The following ARL9 variants were observed in gnomAD, a reference collection of about 807,000 sequenced individuals.
ARL9 encodes the protein ADP-ribosylation factor-like protein 9.
ARL9 carries 14 observed loss-of-function variants against 27.0 expected under a neutral mutation model. The observed-to-expected ratio is 0.52, with a 90% confidence interval of 0.34 to 0.81. ARL9 has a LOEUF of 0.81. ARL9 is among the 30% of genes least tolerant of loss of function. ARL9 has a pLI of 0.01. For synonymous variants in ARL9, 106 were observed against 108.7 expected, an observed-to-expected ratio of 0.98 and a Z score of 0.15; for missense variants, 294 against 290.0, an observed-to-expected ratio of 1.01 and a Z score of -0.10.
At chr4:56,511,370 A>G (rs373303866) in intron 2 of ARL9, 23 bp downstream of exon 2, 295 of 1,590,196 alleles carry the variant, frequency 1.9e-4, no homozygotes, top group Non-Finnish European at 2.4e-4. Context: ...TTCCTTAGTT[A>G]TAAGATAGCC....
intron 3 of ARL9, among the ~76,000 whole-genome samples, chr4:56,522,878 TTC>T (rs1218189355): frequency 6.6e-6 from 1 of 152,186 alleles, no homozygotes; most frequent in Non-Finnish European, 1.5e-5. Context: ...CTCCATTCTC[TTC>T]TCTGTCTTCC....
upstream of ARL9, chr4:56,505,469 G>A: frequency 2.1e-6 from 1 of 466,282 alleles, no homozygotes; most frequent in Non-Finnish European, 4.3e-6. Flanking sequence ...CTTAGACTGC[G>A]GCCCACGTGG....
intron 2 of ARL9, among the ~76,000 whole-genome samples, chr4:56,516,187 T>C (rs1721761682): frequency 6.6e-6 from 1 of 152,144 alleles, no homozygotes; most frequent in African/African-American, 2.4e-5. Flanking sequence ...TGAAATTAGT[T>C]TCCTGCCTCC....
chr4:56,524,106 A>T lies in ARL9; in HGVS notation c.*230A>T, dbSNP rs1240908793. ...AAACCCACTGAAGAATAATAACACA[A>T]CAATAAAAATAATACACATTTTAAA... On this transcript the variant is annotated 3_prime_UTR_variant, in exon 4 of 4. Transcript: ENST00000640821. The T allele has an allele frequency of 2.3e-6, 1 of 433,578 alleles. No individual in the cohort carries two copies. The highest frequency in any genetic ancestry group is 3.4e-5 in the East Asian group (1 of 29,300). 26.9% of individuals were successfully genotyped at this position (433,578 alleles called of 1,614,324 possible).
intron 3 of ARL9, among the ~76,000 whole-genome samples, chr4:56,522,253 T>C (rs1047532281): frequency 2.6e-5 from 4 of 152,062 alleles, no homozygotes; most frequent in Non-Finnish European, 4.4e-5. Flanking sequence ...AAAACCCGTC[T>C]CTACTAAAAA....
At chr4:56,519,657 G>A (rs1388565701) in intron 3 of ARL9, among the ~76,000 whole-genome samples, 2 of 152,066 alleles carry the variant, frequency 1.3e-5, no homozygotes, top group Non-Finnish European at 2.9e-5. Context: ...TGGGTATACA[G>A]TGAAAAGAAT....
At chr4:56,509,616 C>A (rs1447806567) in intron 1 of ARL9, among the ~76,000 whole-genome samples, 2 of 151,828 alleles carry the variant, frequency 1.3e-5, no homozygotes, top group Admixed American at 6.6e-5. Flanking sequence ...CTCACTGCAA[C>A]CTCCGCCTCC....
chr4:56,506,208 GTC>G (rs1238916301), intron 1 of ARL9, 67 bp downstream of exon 1: 6 of 1,230,058 alleles, frequency 4.9e-6, no homozygotes, highest in African/African-American at 1.6e-5. Context: ...CCCCAGCGCT[GTC>G]TCTGTTACGT....
intron 2 of ARL9, among the ~76,000 whole-genome samples, chr4:56,514,723 G>A (rs1195873797): frequency 6.6e-6 from 1 of 152,090 alleles, no homozygotes; most frequent in African/African-American, 2.4e-5. Context: ...TTGTTTATAG[G>A]TGGGCTCTTA....
rs1438251569 is a variant in ARL9, at chr4:56,521,839, T to A, written c.619-1858T>A. 1.3e-5 allele frequency among the ~76,000 whole-genome samples: 2 copies of A among 152,198 alleles called. 1 individual carries two copies. Among genetic ancestry groups the A allele is most frequent in the East Asian group, 3.8e-4 (2 of 5,198 alleles). On this transcript the variant is annotated intron_variant, in intron 3 of 3. Coordinates refer to ENST00000640821, the MANE Select transcript of ARL9 (RefSeq NM_001363794.2). ...TTTCTTATTTCAGTTGTAGGAGTCT[T>A]TCATATCATTTGGAAAAAATAATTC...
intron 2 of ARL9, among the ~76,000 whole-genome samples, chr4:56,514,446 A>C (rs1721720765): frequency 6.6e-6 from 1 of 152,218 alleles, no homozygotes; most frequent in Non-Finnish European, 1.5e-5. Flanking sequence ...ATTTCTGGTG[A>C]AATTCATTAA....
At chr4:56,523,119 C>T (rs1721971769) in intron 3 of ARL9, among the ~76,000 whole-genome samples, 1 of 152,204 alleles carries the variant, frequency 6.6e-6, no homozygotes, top group African/African-American at 2.4e-5. Flanking sequence ...GGTGCAGTGG[C>T]TCATGCCTGT....
chr4:56,519,331 G>T (rs1022151586), intron 3 of ARL9, among the ~76,000 whole-genome samples: 1 of 152,160 alleles, frequency 6.6e-6, no homozygotes, highest in Non-Finnish European at 1.5e-5. Context: ...AAAAATAGAG[G>T]CTGGGCACGG....
chr4:56,506,505 C>A, intron 1 of ARL9: 1 of 570,112 alleles, frequency 1.8e-6, no homozygotes, highest in Non-Finnish European at 2.2e-6. Flanking sequence ...ATTTAGAAAC[C>A]AGCCCCGAAC....
chr4:56,514,660 T>C (rs886223776), intron 2 of ARL9, among the ~76,000 whole-genome samples: 3 of 152,146 alleles, frequency 2.0e-5, no homozygotes, highest in Admixed American at 2.0e-4. Flanking sequence ...TTTAAAACTT[T>C]TAAAGAAATC....
At chr4:56,522,361 C>T (rs1350371653) in intron 3 of ARL9, among the ~76,000 whole-genome samples, 2 of 151,094 alleles carry the variant, frequency 1.3e-5, no homozygotes, top group East Asian at 4.0e-4. Context: ...GCGGAGGTTG[C>T]AGTGAGCCGA....
intron 3 of ARL9, among the ~76,000 whole-genome samples, chr4:56,521,567 T>C (rs1157244364): frequency 6.6e-6 from 1 of 152,230 alleles, no homozygotes; most frequent in Non-Finnish European, 1.5e-5. Context: ...TCCAAAGATG[T>C]TGCACAAATT....
chr4:56,510,058 T>C (rs949836193), intron 1 of ARL9, among the ~76,000 whole-genome samples: 2 of 151,980 alleles, frequency 1.3e-5, no homozygotes, highest in African/African-American at 4.8e-5. Context: ...GTGATACTTA[T>C]ATTAGAATTA....
Position 56,518,664 on chromosome 4 carries a change from A to G in ARL9, c.443-14A>G, listed in dbSNP as rs778700448. On this transcript the variant is annotated splice_polypyrimidine_tract_variant and intron_variant, in intron 2 of 3. Coordinates refer to ENST00000640821, the MANE Select transcript of ARL9 (RefSeq NM_001363794.2). ...TTGTGTGTGTGTGTCTTCTTCCTCT[A>G]CTATTCTCTGTAGTTGGTGGCAGTA... is the stretch of plus-strand genomic sequence containing the variant. The G allele has an allele frequency of 6.2e-7, 1 of 1,606,670 alleles. No homozygotes were observed. The highest frequency in any genetic ancestry group is 8.5e-7 in the Non-Finnish European group (1 of 1,175,130).
Sources: allele counts gnomAD v4.1 joint callset (sites outside exome capture counted in the v4.1 genomes callset), GRCh38; gene constraint gnomAD v4.1.1; transcripts MANE v1.5; gene names NCBI Gene and HGNC (gene_info 2026-07-23, HGNC 2026-07-21).